Variants in RHBDD1 observed in about 807,000 individuals in gnomAD.
RHBDD1 encodes the protein rhomboid domain containing 1, also known as rhomboid-related protein 4.
Under a neutral mutation model 36.3 loss-of-function variants are expected in RHBDD1, and 38 were observed. The observed-to-expected ratio is 1.05, with a 90% CI of 0.81 to 1.37. The LOEUF (loss-of-function observed/expected upper bound fraction) is 1.37, where lower values mean the gene tolerates loss of function less well. Ranked by LOEUF, RHBDD1 falls within the 40% of genes most tolerant of loss-of-function variation. The pLI is 0.00. For synonymous variants in RHBDD1, 151 were observed against 136.5 expected (o/e 1.11, Z -0.74); for missense variants, 393 against 377.6 (o/e 1.04, Z -0.34).
intron 2 of RHBDD1, among the ~76,000 whole-genome samples, 182 bp from the exon 3 acceptor site, chr2:226,839,227 G>A (rs375492768): frequency 4.6e-5 from 7 of 152,082 alleles, no homozygotes; most frequent in African/African-American, 1.7e-4. Flanking sequence ...ATTGGAATAT[G>A]GGGGTGGGGA....
intron 8 of RHBDD1, among the ~76,000 whole-genome samples, chr2:226,985,066 A>G (rs537570878): frequency 7.9e-5 from 12 of 152,276 alleles, no homozygotes; most frequent in African/African-American, 2.6e-4. Context: ...GTATTACTGC[A>G]TCCAGGATTG....
At chr2:226,935,596 G>A (rs1950281770) in intron 8 of RHBDD1, among the ~76,000 whole-genome samples, 1 of 151,722 alleles carries the variant, frequency 6.6e-6, no homozygotes, top group Admixed American at 6.6e-5. Flanking sequence ...AACTTTATTT[G>A]TGCTGTGAGT....
At chr2:226,830,144 G>A in the RHBDD1 span, among the ~76,000 whole-genome samples, 1 of 152,170 alleles carries the variant, frequency 6.6e-6, no homozygotes, top group Non-Finnish European at 1.5e-5. Context: ...AAATTCTTAT[G>A]TTCAAATTCT....
chr2:226,806,161 A>G, the RHBDD1 span, among the ~76,000 whole-genome samples: 760 of 152,076 alleles, frequency 5.0e-3, 7 homozygotes, highest in African/African-American at 0.017. Flanking sequence ...AAAACTGACT[A>G]GAAGATTAAG....
chr2:226,920,848 G>A (rs1298227891), intron 8 of RHBDD1, among the ~76,000 whole-genome samples: 1 of 152,092 alleles, frequency 6.6e-6, no homozygotes, highest in Non-Finnish European at 1.5e-5. Context: ...GTCTGGTTTT[G>A]GTATCAGGAT....
chr2:226,964,051 C>T (rs1179758022), intron 8 of RHBDD1, among the ~76,000 whole-genome samples: 1 of 152,146 alleles, frequency 6.6e-6, no homozygotes, highest in African/African-American at 2.4e-5. Flanking sequence ...CTCTCAGTCT[C>T]TACTGGATCC....
intron 8 of RHBDD1, among the ~76,000 whole-genome samples, chr2:226,916,494 C>G (rs1948919093): frequency 6.6e-6 from 1 of 152,148 alleles, no homozygotes; most frequent in African/African-American, 2.4e-5. Flanking sequence ...CAGGGCAAAA[C>G]TTCTCAGCGT....
At chr2:226,896,455 G>A (rs1947102566) in intron 5 of RHBDD1, among the ~76,000 whole-genome samples, 2 of 152,134 alleles carry the variant, frequency 1.3e-5, no homozygotes, top group African/African-American at 2.4e-5. Flanking sequence ...AATAGAAGCA[G>A]TCCTATCAAG....
At chr2:226,928,361 A>G (rs1949800987) in intron 8 of RHBDD1, among the ~76,000 whole-genome samples, 1 of 152,116 alleles carries the variant, frequency 6.6e-6, no homozygotes, top group Admixed American at 6.6e-5. Context: ...CCACAAAACC[A>G]TATAAATACA....
intron 8 of RHBDD1, among the ~76,000 whole-genome samples, chr2:226,938,979 C>T (rs560167028): frequency 6.6e-6 from 1 of 152,218 alleles, no homozygotes; most frequent in South Asian, 2.1e-4. Flanking sequence ...CCAACATTTG[C>T]AAATCAATAA....
intron 3 of RHBDD1, among the ~76,000 whole-genome samples, chr2:226,843,436 T>A (rs1941888189): frequency 1.3e-5 from 2 of 152,212 alleles, no homozygotes; most frequent in East Asian, 3.9e-4. Flanking sequence ...TATTTTGAGG[T>A]AAGTGCCTTT....
intron 8 of RHBDD1, among the ~76,000 whole-genome samples, chr2:226,969,373 T>C (rs1953001779): frequency 7.0e-6 from 1 of 143,644 alleles, no homozygotes; most frequent in Non-Finnish European, 1.5e-5. Context: ...AGCCATTTGC[T>C]CTGGGCTAAG....
chr2:226,871,954 G>T (rs571537132), intron 5 of RHBDD1, among the ~76,000 whole-genome samples: 1 of 152,330 alleles, frequency 6.6e-6, no homozygotes, highest in East Asian at 1.9e-4. Flanking sequence ...ACATCATGCG[G>T]ATAACTTGTT....
chr2:226,896,628 T>A (rs1947116033), intron 5 of RHBDD1, among the ~76,000 whole-genome samples: 1 of 152,142 alleles, frequency 6.6e-6, no homozygotes, highest in Non-Finnish European at 1.5e-5. Context: ...GTGGAATAGA[T>A]CACTCCTAAA....
In RHBDD1 at chr2:226,998,491, A is replaced by T. The variant is rs1010609412; in HGVS notation, c.*2969A>T. 2 of 152,228 alleles carry T rather than the reference A, an allele frequency of 1.3e-5. No individual in the cohort carries two copies. The highest frequency in any genetic ancestry group is 2.9e-5 in the Non-Finnish European group (2 of 68,042). The allele number at this position is 152,228 out of a possible 1,614,324, so 9.4% of individuals were successfully genotyped here. On this transcript the variant is annotated 3_prime_UTR_variant, in exon 9 of 9. Coordinates refer to ENST00000392062, the MANE Select transcript of RHBDD1 (RefSeq NM_001167608.3). ...TCTTGAGAGATTCAGTATTCAGTAA[A>T]GAATAGCATTCAATTAGTCAAAAAA...
chr2:226,941,238 T>A (rs1289684265), intron 8 of RHBDD1, among the ~76,000 whole-genome samples: 1 of 152,148 alleles, frequency 6.6e-6, no homozygotes, highest in Non-Finnish European at 1.5e-5. Flanking sequence ...AGTGCTGGGA[T>A]TACAGGCGTG....
At chr2:226,933,170 G>T (rs1387821862) in intron 8 of RHBDD1, among the ~76,000 whole-genome samples, 1 of 152,080 alleles carries the variant, frequency 6.6e-6, no homozygotes, top group Non-Finnish European at 1.5e-5. Context: ...ACCACCGTGT[G>T]GGGATTATGA....
At chr2:226,991,670 G>C (rs934178539) in intron 8 of RHBDD1, among the ~76,000 whole-genome samples, 3 of 152,128 alleles carry the variant, frequency 2.0e-5, no homozygotes, top group Non-Finnish European at 4.4e-5. Context: ...ACCCAACAAA[G>C]GAGCTACTCA....
At chr2:226,990,142 C>T (rs2149550418) in intron 8 of RHBDD1, among the ~76,000 whole-genome samples, 1 of 152,270 alleles carries the variant, frequency 6.6e-6, no homozygotes, top group African/African-American at 2.4e-5. Context: ...AGTGTGGTTA[C>T]TGTCTTTAAG....
Sources: gnomAD v4.1 joint callset for allele counts (sites outside exome capture counted in the v4.1 genomes callset) on GRCh38, gnomAD v4.1.1 for gene constraint, MANE v1.5 for transcripts, NCBI Gene and HGNC (gene_info 2026-07-23, HGNC 2026-07-21) for gene names.